CLDN16: variants seen among roughly 807,000 people sequenced by gnomAD.
The protein encoded by CLDN16 is claudin-16.
CLDN16 carries 13 observed loss-of-function variants against 24.6 expected under a neutral mutation model. The observed-to-expected ratio is 0.53, with a 90% CI of 0.34 to 0.84. The LOEUF (loss-of-function observed/expected upper bound fraction) is 0.84. CLDN16 is among the 40% of genes least tolerant of loss of function. The pLI is 0.01. For missense variants in CLDN16, 298 were observed against 292.7 expected (o/e 1.02, Z -0.13); for synonymous variants, 116 against 106.7 (o/e 1.09, Z -0.54).
chr3:190,375,503 G>T (rs1263886767), intron 3 of CLDN16, among the ~76,000 whole-genome samples: 1 of 151,900 alleles, frequency 6.6e-6, no homozygotes, highest in African/African-American at 2.4e-5. Flanking sequence ...TTGTTTTATG[G>T]TTGATCCTAG....
chr3:190,321,766 T>A (rs1451591100), upstream of CLDN16, among the ~76,000 whole-genome samples: 2 of 152,154 alleles, frequency 1.3e-5, no homozygotes, highest in Non-Finnish European at 2.9e-5. Context: ...GGCAGAAGTG[T>A]CACCCAGGGA....
At position 190,401,622 on chromosome 3, in the gene CLDN16, A is replaced by T. The variant is rs80351175; in HGVS notation, c.115-715A>T. 7.4e-4 allele frequency among the ~76,000 whole-genome samples: 113 copies of T among 152,302 alleles called. No homozygotes were observed. The East Asian group carries it at 0.018, about 25-fold the overall frequency. ...AGGGAACTGGTACCTTCTAGCTCTA[A>T]GTGGATTCTTAGAGTCATCTGCACA... is the stretch of plus-strand genomic sequence containing the variant. On this transcript the variant is annotated intron_variant, in intron 1 of 4. Coordinates refer to ENST00000264734, the MANE Select transcript of CLDN16 (RefSeq NM_006580.4).
the CLDN16 span, among the ~76,000 whole-genome samples, chr3:190,302,035 A>C: frequency 1.3e-5 from 2 of 152,216 alleles, no homozygotes; most frequent in Non-Finnish European, 2.9e-5. Context: ...TTAAAATACT[A>C]TCTTCCTAGC....
chr3:190,404,844 T>C lies in CLDN16; in HGVS notation c.300T>C (p.Leu100=). ...GATTTCTCACCCTGCTCCTTGGTCT[T>C]GACTGCGTGAAATTCCTCCCTGATG... is the stretch of plus-strand genomic sequence containing the variant. ...GFGFLTLLLG[L]DCVKFLPDEP... Residue 100 remains leucine (L), a synonymous_variant, in exon 3 of 5, where the codon CTT becomes CTC. Coordinates refer to ENST00000264734, the MANE Select transcript of CLDN16 (RefSeq NM_006580.4). 6.2e-7 allele frequency: 1 copy of C among 1,614,168 alleles called. No homozygotes were observed.
chr3:190,395,169 T>A (rs766631424), intron 1 of CLDN16, among the ~76,000 whole-genome samples: 9 of 152,104 alleles, frequency 5.9e-5, no homozygotes, highest in Non-Finnish European at 8.8e-5. Flanking sequence ...AGTTCAGATA[T>A]ATAACGTAGG....
intron 1 of CLDN16, among the ~76,000 whole-genome samples, chr3:190,365,493 T>G (rs1379902023): frequency 6.7e-6 from 1 of 149,782 alleles, no homozygotes; most frequent in Non-Finnish European, 1.5e-5. Context: ...TACTTTTTGG[T>G]CACCATCTTC....
At chr3:190,294,208 A>T in the CLDN16 span, among the ~76,000 whole-genome samples, 2 of 152,186 alleles carry the variant, frequency 1.3e-5, no homozygotes, top group African/African-American at 4.8e-5. Flanking sequence ...AATCTCAACC[A>T]TGTCTCATAA....
Position 190,388,186 on chromosome 3 carries a change from C to T in CLDN16, c.-144C>T, listed in dbSNP as rs747082222. 2.5e-6 allele frequency: 4 copies of T among 1,613,964 alleles called. No individual in the cohort carries two copies. The highest frequency in any genetic ancestry group is 2.2e-5 in the East Asian group (1 of 44,872). ...TTATTCTTACTGCAACTCAAGACAC[C>T]TGCAGCAGGGCGTGAGAAAAAGTAA... On this transcript the variant is annotated 5_prime_UTR_variant, in exon 1 of 5. Transcript: ENST00000264734.
chr3:190,318,812 C>T (rs373023794), upstream of CLDN16, among the ~76,000 whole-genome samples: 2 of 152,176 alleles, frequency 1.3e-5, no homozygotes, highest in African/African-American at 4.8e-5. Context: ...AGACTGTCCA[C>T]GTCAGTGATT....
At chr3:190,390,097 A>G (rs928886682) in intron 1 of CLDN16, among the ~76,000 whole-genome samples, 1 of 152,228 alleles carries the variant, frequency 6.6e-6, no homozygotes, top group African/African-American at 2.4e-5. Flanking sequence ...GAATACTTCT[A>G]GTTAAAACGA....
intron 1 of CLDN16, among the ~76,000 whole-genome samples, chr3:190,391,886 C>G (rs533819485): frequency 1.3e-5 from 2 of 152,220 alleles, no homozygotes; most frequent in South Asian, 4.2e-4. Context: ...TCATTTGTGT[C>G]TCTGAGAAGA....
chr3:190,327,548 A>T (rs1051324575), intron 1 of CLDN16, among the ~76,000 whole-genome samples: 1 of 152,220 alleles, frequency 6.6e-6, no homozygotes, highest in Non-Finnish European at 1.5e-5. Context: ...TGAAAAAGTA[A>T]AGTAGTTTAT....
chr3:190,331,570 T>C (rs1347329915), intron 1 of CLDN16, among the ~76,000 whole-genome samples: 1 of 152,224 alleles, frequency 6.6e-6, no homozygotes, highest in East Asian at 1.9e-4. Context: ...AGTAACTACA[T>C]ACTGGCAATG....
intron 1 of CLDN16, among the ~76,000 whole-genome samples, chr3:190,355,770 C>T (rs1483084880): frequency 6.6e-6 from 1 of 151,582 alleles, no homozygotes; most frequent in Non-Finnish European, 1.5e-5. Flanking sequence ...TGCCAGATTA[C>T]CCATATAAAA....
chr3:190,292,099 T>C, the CLDN16 span, among the ~76,000 whole-genome samples: 1 of 152,190 alleles, frequency 6.6e-6, no homozygotes, highest in Non-Finnish European at 1.5e-5. Context: ...GAAGACTCTG[T>C]GTGGGGCCTC....
At chr3:190,319,007 C>G (rs1228500904), upstream of CLDN16, among the ~76,000 whole-genome samples, 1 of 152,102 alleles carries the variant, frequency 6.6e-6, no homozygotes, top group Admixed American at 6.5e-5. Flanking sequence ...TCTAGCCTAA[C>G]CTCCCATTTG....
intron 1 of CLDN16, among the ~76,000 whole-genome samples, chr3:190,342,114 T>C (rs1717451104): frequency 6.6e-6 from 1 of 152,214 alleles, no homozygotes; most frequent in Non-Finnish European, 1.5e-5. Flanking sequence ...CTCCAAACTG[T>C]TCCAAACTCT....
At chr3:190,318,180 G>A (rs1161485810), upstream of CLDN16, among the ~76,000 whole-genome samples, 1 of 152,204 alleles carries the variant, frequency 6.6e-6, no homozygotes, top group East Asian at 1.9e-4. Context: ...AAAATCAGGA[G>A]TGAAAATGAT....
At position 190,410,003 on chromosome 3, in the gene CLDN16, G is replaced by A. The variant is rs1325118362; in HGVS notation, c.675G>A (p.Thr225=). ...AKSYSAPRTE[T]AKMYAVDTRV ...CATACTCAGCCCCTCGCACAGAGACGGCCAAAATGTATGCTGTAGACACAA... is the reference window on the plus strand; with the variant it reads ...CATACTCAGCCCCTCGCACAGAGACAGCCAAAATGTATGCTGTAGACACAA... The change falls in exon 5 of 5, where the codon ACG becomes ACA. Residue 225 remains threonine, a synonymous_variant. Transcript: ENST00000264734. 5 of 1,614,016 alleles carry A rather than the reference G, an allele frequency of 3.1e-6. No individual in the cohort carries two copies. The highest frequency in any genetic ancestry group is 3.3e-5 in the Admixed American group (2 of 60,008).
Sources: allele counts gnomAD v4.1 joint callset (sites outside exome capture counted in the v4.1 genomes callset), GRCh38; gene constraint gnomAD v4.1.1; transcripts MANE v1.5; gene names NCBI Gene and HGNC (gene_info 2026-07-23, HGNC 2026-07-21).